Variants in GRID2 observed in about 807,000 individuals in gnomAD.
The protein encoded by GRID2 is glutamate receptor ionotropic, delta-2.
Under a neutral mutation model 114.8 loss-of-function variants are expected in GRID2, and 33 were observed. That is an observed-to-expected ratio of 0.29 (90% CI 0.22 to 0.38). The LOEUF (loss-of-function observed/expected upper bound fraction) is 0.38, where lower values mean the gene tolerates loss of function less well. Ranked by LOEUF, GRID2 falls within the 10% of genes least tolerant of loss-of-function variation. GRID2 has a pLI of 1.00. For synonymous variants in GRID2, 505 were observed against 449.9 expected, an observed-to-expected ratio of 1.12 and a Z score of -1.55; for missense variants, 1,184 against 1,257.7, an observed-to-expected ratio of 0.94 and a Z score of 0.89.
chr4:92,710,694 A>G (rs555909239), intron 2 of GRID2, among the ~76,000 whole-genome samples: 123 of 152,268 alleles, frequency 8.1e-4, no homozygotes, highest in African/African-American at 2.7e-3. Flanking sequence ...TTGTTCTTCT[A>G]GACTCACATT....
chr4:93,597,179 TAAC>T (rs953237959), intron 13 of GRID2, among the ~76,000 whole-genome samples: 8 of 152,180 alleles, frequency 5.3e-5, no homozygotes, highest in African/African-American at 1.9e-4. Context: ...AAACAAACAA[TAAC>T]AACAAACAAT....
chr4:92,520,613 G>A (rs1052918003), intron 1 of GRID2, among the ~76,000 whole-genome samples: 2 of 151,858 alleles, frequency 1.3e-5, no homozygotes, highest in African/African-American at 4.8e-5. Context: ...ATGCTAATAG[G>A]CGCCCTAAAG....
At chr4:93,126,637 A>G (rs6833623) in intron 4 of GRID2, among the ~76,000 whole-genome samples, 66,226 of 124,384 alleles carry the variant, frequency 0.53, 17,996 homozygotes, top group African/African-American at 0.71. Flanking sequence ...TCGCTCTGTC[A>G]CCCAGGCTGG....
chr4:92,893,161 T>C (rs545655930), intron 2 of GRID2, among the ~76,000 whole-genome samples: 1 of 152,252 alleles, frequency 6.6e-6, no homozygotes, highest in South Asian at 2.1e-4. Context: ...ACTCAGAATG[T>C]AGATTTTTTT....
chr4:93,252,490 G>C (rs745605784), intron 8 of GRID2, among the ~76,000 whole-genome samples: 1 of 152,062 alleles, frequency 6.6e-6, no homozygotes, highest in Non-Finnish European at 1.5e-5. Context: ...ATAGTTCAAA[G>C]TCAGGTAACA....
intron 8 of GRID2, among the ~76,000 whole-genome samples, chr4:93,289,539 T>C (rs750042697): frequency 5.3e-5 from 8 of 152,200 alleles, no homozygotes; most frequent in Non-Finnish European, 8.8e-5. Context: ...ACACACATAT[T>C]GGTACTGGTA....
intron 2 of GRID2, among the ~76,000 whole-genome samples, chr4:92,656,756 C>T (rs1276722699): frequency 6.6e-6 from 1 of 151,628 alleles, no homozygotes. Context: ...AAATGTGCTG[C>T]TTCTTGAGAG....
intron 11 of GRID2, among the ~76,000 whole-genome samples, chr4:93,486,269 C>G (rs1411441917): frequency 6.6e-6 from 1 of 151,554 alleles, no homozygotes; most frequent in African/African-American, 2.4e-5. Flanking sequence ...CTTAGATTTT[C>G]TACATACATA....
At chr4:93,275,317 T>A (rs1434503279) in intron 8 of GRID2, among the ~76,000 whole-genome samples, 1 of 151,944 alleles carries the variant, frequency 6.6e-6, no homozygotes, top group Non-Finnish European at 1.5e-5. Flanking sequence ...CATTGATTAA[T>A]TAATAAACAT....
intron 2 of GRID2, among the ~76,000 whole-genome samples, chr4:92,885,277 A>T (rs1019728588): frequency 6.6e-6 from 1 of 152,116 alleles, no homozygotes; most frequent in South Asian, 2.1e-4. Flanking sequence ...TGTAGGTTTG[A>T]TCTTCCTTTG....
In GRID2 at chr4:92,548,515, C is replaced by T. The variant is rs1273036038; in HGVS notation, c.89-41616C>T. ...CTGCCGGGTTCAAGTGATTCTCCTG[C>T]CTTAGCCTCCCAAATAACTGGGATT... On this transcript the variant is annotated intron_variant, in intron 1 of 15. Coordinates refer to ENST00000282020, the MANE Select transcript of GRID2 (RefSeq NM_001510.4). 4.7e-5 allele frequency among the ~76,000 whole-genome samples: 7 copies of T among 147,452 alleles called. 1 individual carries two copies. In the South Asian group the frequency reaches 1.5e-3, roughly 32 times the overall value.
intron 11 of GRID2, among the ~76,000 whole-genome samples, chr4:93,456,493 G>T (rs1723209657): frequency 6.6e-6 from 1 of 152,088 alleles, no homozygotes; most frequent in African/African-American, 2.4e-5. Flanking sequence ...AATCTTTACT[G>T]GTGATTTAAC....
At chr4:93,512,965 G>A (rs188117441) in intron 12 of GRID2, among the ~76,000 whole-genome samples, 3 of 152,006 alleles carry the variant, frequency 2.0e-5, no homozygotes, top group Admixed American at 6.6e-5. Flanking sequence ...TGACTATTTG[G>A]GCAACCCATT....
intron 2 of GRID2, among the ~76,000 whole-genome samples, chr4:92,892,058 TTTTTTG>T (rs1553943052): frequency 1.6e-4 from 24 of 152,106 alleles, no homozygotes; most frequent in Admixed American, 7.9e-4. Context: ...GCTGGTTTTT[TTTTTTG>T]TTTTTGTTTT....
chr4:93,349,147 G>T (rs1760538016), intron 8 of GRID2, among the ~76,000 whole-genome samples: 1 of 152,054 alleles, frequency 6.6e-6, no homozygotes, highest in South Asian at 2.1e-4. Context: ...TTCACATCAT[G>T]TGAATATTGT....
intron 8 of GRID2, among the ~76,000 whole-genome samples, chr4:93,354,746 ATG>A (rs1408758212): frequency 6.8e-6 from 1 of 146,746 alleles, no homozygotes; most frequent in African/African-American, 2.5e-5. Flanking sequence ...ATTTATGTAT[ATG>A]TATATGTAGT....
chr4:93,209,873 T>C (rs1743251218), intron 5 of GRID2, among the ~76,000 whole-genome samples: 1 of 152,152 alleles, frequency 6.6e-6, no homozygotes, highest in African/African-American at 2.4e-5. Context: ...CTTTCTTTCA[T>C]ATGATTATTG....
intron 2 of GRID2, among the ~76,000 whole-genome samples, chr4:92,910,696 C>G (rs1748307531): frequency 6.6e-6 from 1 of 151,984 alleles, no homozygotes; most frequent in South Asian, 2.1e-4. Flanking sequence ...TTTTCATACA[C>G]CAAAATTTAC....
chr4:93,256,021 C>A (rs1749542279), intron 8 of GRID2, among the ~76,000 whole-genome samples: 1 of 151,998 alleles, frequency 6.6e-6, no homozygotes, highest in African/African-American at 2.4e-5. Context: ...TAAGGTAAAT[C>A]AATTCTTTCA....
Sources: allele counts gnomAD v4.1 joint callset (sites outside exome capture counted in the v4.1 genomes callset), GRCh38; gene constraint gnomAD v4.1.1; transcripts MANE v1.5; gene names NCBI Gene and HGNC (gene_info 2026-07-23, HGNC 2026-07-21).